Variants in SMIM35 observed in about 807,000 individuals in gnomAD.
SMIM35 encodes small integral membrane protein 35.
chr11:118,021,573 T>C (rs542643088), intron 1 of SMIM35, among the ~76,000 whole-genome samples: 1 of 152,156 alleles, frequency 6.6e-6, no homozygotes, highest in African/African-American at 2.4e-5. Context: ...CTTTAACTTA[T>C]CACAGTCACA....
chr11:118,083,167 C>T (rs1945286673), intron 1 of SMIM35, among the ~76,000 whole-genome samples: 1 of 152,244 alleles, frequency 6.6e-6, no homozygotes. Flanking sequence ...TTTGCTCACA[C>T]ATCTGTTTCT....
At chr11:118,053,328 A>T (rs1169688461) in intron 1 of SMIM35, among the ~76,000 whole-genome samples, 5 of 150,904 alleles carry the variant, frequency 3.3e-5, no homozygotes, top group Admixed American at 2.7e-4. Flanking sequence ...ACACACACAC[A>T]CACACACACA....
chr11:118,017,284 T>C (rs1006310247), intron 1 of SMIM35, among the ~76,000 whole-genome samples: 2 of 152,216 alleles, frequency 1.3e-5, no homozygotes, highest in Non-Finnish European at 2.9e-5. Flanking sequence ...AATTCCCAGA[T>C]GGAGTTGTGG....
chr11:118,048,444 T>C (rs906165196), intron 1 of SMIM35, among the ~76,000 whole-genome samples: 2 of 151,586 alleles, frequency 1.3e-5, no homozygotes, highest in Non-Finnish European at 2.9e-5. Context: ...AGCTGGGCAG[T>C]GGAAGTTGCA....
intron 1 of SMIM35, chr11:118,077,129 C>A (rs1464494668): frequency 1.6e-6 from 1 of 626,556 alleles, no homozygotes; most frequent in Non-Finnish European, 2.7e-6. Flanking sequence ...GACAAGGATG[C>A]TGGGCGTGAG....
rs1182377181 is a variant in SMIM35 at position 118,077,284 on chromosome 11, G to C, written c.7+9467C>G. On this transcript the variant is annotated intron_variant, in intron 1 of 4. Transcript: ENST00000689828. ...TCAGCTCCAGGCTACAGGGAGACCG[G>C]GAGGATCACAGAGCCAGCATGGTGA... is the stretch of plus-strand genomic sequence containing the variant. The C allele has an allele frequency of 2.5e-6, 4 of 1,601,176 alleles. No homozygotes were observed. The African/African-American group carries it at 5.4e-5, about 21-fold the overall frequency.
intron 1 of SMIM35, among the ~76,000 whole-genome samples, chr11:118,081,673 G>A (rs1172970943): frequency 5.3e-5 from 8 of 152,350 alleles, no homozygotes; most frequent in Non-Finnish European, 5.9e-5. Context: ...CTGGCTGGGC[G>A]TCGCCCGCTG....
intron 1 of SMIM35, among the ~76,000 whole-genome samples, chr11:118,019,123 G>T (rs1434857647): frequency 6.6e-6 from 1 of 151,994 alleles, no homozygotes; most frequent in South Asian, 2.1e-4. Flanking sequence ...ATATATCTAT[G>T]TAGATATAGA....
intron 1 of SMIM35, among the ~76,000 whole-genome samples, chr11:118,045,469 T>C (rs1170510786): frequency 1.3e-5 from 2 of 151,120 alleles, no homozygotes; most frequent in African/African-American, 4.9e-5. Flanking sequence ...ACCAGGGGAG[T>C]GGGGTAGGGA....
chr11:118,071,780 G>A (rs1591311742), intron 1 of SMIM35, among the ~76,000 whole-genome samples: 1 of 152,160 alleles, frequency 6.6e-6, no homozygotes, highest in East Asian at 1.9e-4. Flanking sequence ...CCTGAGTGTG[G>A]GAAGAGACCT....
chr11:118,086,138 T>C (rs534074577), intron 1 of SMIM35, among the ~76,000 whole-genome samples: 1 of 152,376 alleles, frequency 6.6e-6, no homozygotes, highest in Non-Finnish European at 1.5e-5. Context: ...ATAAGCGCTG[T>C]GCCTCAGTTT....
At chr11:118,084,086 A>G (rs1164885381) in intron 1 of SMIM35, among the ~76,000 whole-genome samples, 1 of 152,202 alleles carries the variant, frequency 6.6e-6, no homozygotes, top group Non-Finnish European at 1.5e-5. Flanking sequence ...TGCACCAGGC[A>G]ATGTACTATA....
intron 1 of SMIM35, among the ~76,000 whole-genome samples, chr11:118,037,605 C>T (rs537393176): frequency 6.6e-6 from 1 of 152,162 alleles, no homozygotes; most frequent in Admixed American, 6.5e-5. Flanking sequence ...CCTCTTTCGG[C>T]GGTTAGCAAG....
rs189876154 is a variant in SMIM35 at position 118,046,723 on chromosome 11, T to C, written c.8-30914A>G. On this transcript the variant is annotated intron_variant, in intron 1 of 4. Coordinates refer to ENST00000689828, the MANE Select transcript of SMIM35 (RefSeq NM_001394165.1). ...CTCTCCAGAGGTGGGCCCAGGAATT[T>C]GTAATTTTCAATAAGCTCCCCAGGG... Among the ~76,000 whole-genome samples, 523 of 152,310 alleles carry C rather than the reference T, an allele frequency of 3.4e-3. 3 individuals are homozygous for C. Among genetic ancestry groups the C allele is most frequent in the African/African-American group, 0.012 (498 of 41,568 alleles).
chr11:118,019,537 C>T (rs1303750769), intron 1 of SMIM35, among the ~76,000 whole-genome samples: 1 of 152,110 alleles, frequency 6.6e-6, no homozygotes, highest in Non-Finnish European at 1.5e-5. Context: ...CAAAGGGGTC[C>T]CCCAAAGTCT....
At chr11:118,072,504 G>A (rs998723741) in intron 1 of SMIM35, among the ~76,000 whole-genome samples, 2 of 152,018 alleles carry the variant, frequency 1.3e-5, no homozygotes, top group African/African-American at 2.4e-5. Context: ...GAAACAACTG[G>A]CAATTGATAT....
At chr11:118,062,995 G>A (rs942194399) in intron 1 of SMIM35, among the ~76,000 whole-genome samples, 3 of 151,968 alleles carry the variant, frequency 2.0e-5, no homozygotes, top group East Asian at 1.9e-4. Context: ...ACCTCTGGTC[G>A]TCCTCACTGC....
chr11:118,018,375 G>A (rs1050043009), intron 1 of SMIM35, among the ~76,000 whole-genome samples: 1 of 152,166 alleles, frequency 6.6e-6, no homozygotes, highest in Non-Finnish European at 1.5e-5. Context: ...CTGGAGAAGG[G>A]GGACCAGTCA....
chr11:118,014,408 GGA>G lies in SMIM35; in HGVS notation c.158+298_158+299del, dbSNP rs879900053. Among the ~76,000 whole-genome samples the G allele has an allele frequency of 2.4e-3, 360 of 151,650 alleles. 3 individuals carry two copies. The highest frequency in any genetic ancestry group is 8.2e-3 in the African/African-American group (339 of 41,242). Reference sequence around the variant, plus strand: ...GAGATGGATGGATGGATGGATGGATGGATGGATGGATGGATGGATGGATGAAT... The same window carrying G: ...GAGATGGATGGATGGATGGATGGATGTGGATGGATGGATGGATGGATGAAT... On this transcript the variant is annotated intron_variant, in intron 3 of 4. Transcript: ENST00000689828.
Sources: allele counts gnomAD v4.1 joint callset (sites outside exome capture counted in the v4.1 genomes callset), GRCh38; gene constraint gnomAD v4.1.1; transcripts MANE v1.5; gene names NCBI Gene and HGNC (gene_info 2026-07-23, HGNC 2026-07-21).